SOX30: variants seen among roughly 807,000 people sequenced by gnomAD.
SOX30 encodes transcription factor SOX-30.
A neutral mutation model predicts 58.6 loss-of-function variants in SOX30; 17 were observed. That is an observed-to-expected ratio of 0.29 (90% confidence interval 0.20 to 0.44). SOX30 has a LOEUF of 0.44. Among genes scored for constraint, SOX30 ranks in the 20% least tolerant of loss-of-function variants. The probability of loss-of-function intolerance (pLI) is 1.00; values close to 1 mark genes in which losing one functional copy is unlikely to be tolerated. For missense variants in SOX30, 951 were observed against 965.8 expected (o/e 0.98, Z 0.20); for synonymous variants, 421 against 400.2 (o/e 1.05, Z -0.62).
In SOX30 at chr5:157,652,433, G is replaced by GA; in HGVS notation, c.-356dup. 3.0e-6 allele frequency: 3 copies of GA among 1,015,934 alleles called. No homozygotes were observed. The highest frequency in any genetic ancestry group is 2.4e-6 in the Non-Finnish European group (2 of 847,138). 62.9% of individuals were successfully genotyped at this position (1,015,934 alleles called of 1,614,324 possible). A position where few individuals can be genotyped will look rare whatever the true frequency, so the allele number is the denominator to read the frequency against. Reference sequence around the variant, plus strand: ...TCATCCCTCCCCCACCCGGAGCTGCGACAATGGCGTTGCCCAGGAAACGTT... The same window carrying GA: ...TCATCCCTCCCCCACCCGGAGCTGCGAACAATGGCGTTGCCCAGGAAACGTT... On this transcript the variant is annotated 5_prime_UTR_variant, in exon 1 of 5. Coordinates refer to ENST00000265007, the MANE Select transcript of SOX30 (RefSeq NM_178424.2).
chr5:157,635,581 G>A lies in SOX30; in HGVS notation c.1880+2649C>T, dbSNP rs1003911516. Among the ~76,000 whole-genome samples the A allele has an allele frequency of 3.3e-5, 5 of 151,642 alleles. No homozygotes were observed. In the South Asian group the frequency reaches 6.2e-4, roughly 19 times the overall value. On this transcript the variant is annotated intron_variant, in intron 4 of 4. Transcript: ENST00000265007. Reference sequence around the variant, plus strand: ...AGAGGTTGCAGTGAGCCAAGATTGCGCCACTGCACTCCAGCCTGGGTGACA... The same window carrying A: ...AGAGGTTGCAGTGAGCCAAGATTGCACCACTGCACTCCAGCCTGGGTGACA...
intron 4 of SOX30, among the ~76,000 whole-genome samples, chr5:157,636,309 G>C (rs1359359592): frequency 6.6e-6 from 1 of 151,976 alleles, no homozygotes; most frequent in Non-Finnish European, 1.5e-5. Context: ...TTCTAACTAA[G>C]GCCAAGTGTT....
chr5:157,644,449 GGA>G (rs1223002683), intron 3 of SOX30, among the ~76,000 whole-genome samples: 3 of 152,146 alleles, frequency 2.0e-5, no homozygotes, highest in African/African-American at 7.2e-5. Context: ...ACAACATCAT[GGA>G]GAAAGAACCC....
At chr5:157,668,441 G>A (rs899195258) in intron 1 of SOX30, among the ~76,000 whole-genome samples, 2 of 152,078 alleles carry the variant, frequency 1.3e-5, no homozygotes, top group Non-Finnish European at 2.9e-5. Context: ...TGAAGTTGCT[G>A]CTAAGAGTGA....
In SOX30 at chr5:157,652,189, A is replaced by C. The variant is rs1759374196; in HGVS notation, c.-111T>G. ...CAAGGCCTTTGCTACCCAGAACCCT[A>C]CGCGGTTCAAAACGCAGCTGTCTGT... On this transcript the variant is annotated 5_prime_UTR_variant, in exon 1 of 5. Transcript: ENST00000265007. 1 of 1,333,838 alleles carries C rather than the reference A, an allele frequency of 7.5e-7. No homozygotes were observed. The highest frequency in any genetic ancestry group is 9.5e-7 in the Non-Finnish European group (1 of 1,050,116). 82.6% of individuals were successfully genotyped at this position (1,333,838 alleles called of 1,614,324 possible).
chr5:157,626,158 C>A lies in SOX30; in HGVS notation c.*182G>T. Reference sequence around the variant, plus strand: ...TAACTTAAATATTCCTACAATGAAACATCCAGACTCTAGTTTCACTAATCA... The same window carrying A: ...TAACTTAAATATTCCTACAATGAAAAATCCAGACTCTAGTTTCACTAATCA... On this transcript the variant is annotated 3_prime_UTR_variant, in exon 5 of 5. Coordinates refer to ENST00000265007, the MANE Select transcript of SOX30 (RefSeq NM_178424.2). 3.9e-6 allele frequency: 2 copies of A among 519,396 alleles called. No homozygotes were observed. The highest frequency in any genetic ancestry group is 3.3e-6 in the Non-Finnish European group (1 of 302,454). The allele number at this position is 519,396 out of a possible 1,614,324, so 32.2% of individuals were successfully genotyped here.
At chr5:157,669,092 C>G (rs1047390566) in intron 1 of SOX30, among the ~76,000 whole-genome samples, 1 of 152,170 alleles carries the variant, frequency 6.6e-6, no homozygotes, top group Non-Finnish European at 1.5e-5. Context: ...TAGGGCAGAT[C>G]CCACAGAGAC....
chr5:157,636,811 C>A (rs780036393), intron 4 of SOX30, among the ~76,000 whole-genome samples: 1 of 152,090 alleles, frequency 6.6e-6, no homozygotes, highest in East Asian at 1.9e-4. Flanking sequence ...CCATCTTTGT[C>A]TACACATTTA....
chr5:157,640,243 C>T (rs778073404), intron 3 of SOX30, among the ~76,000 whole-genome samples: 3 of 152,108 alleles, frequency 2.0e-5, no homozygotes, highest in African/African-American at 7.2e-5. Flanking sequence ...AATTTCTATT[C>T]GTATCCCAGT....
intron 4 of SOX30, among the ~76,000 whole-genome samples, chr5:157,628,428 C>T (rs2113830565): frequency 6.6e-6 from 1 of 150,590 alleles, no homozygotes; most frequent in African/African-American, 2.4e-5. Flanking sequence ...TGTTACCTTA[C>T]TTTTAAAAAC....
At chr5:157,655,106 C>A (rs554423086), upstream of SOX30, among the ~76,000 whole-genome samples, 1 of 152,232 alleles carries the variant, frequency 6.6e-6, no homozygotes, top group Admixed American at 6.5e-5. Flanking sequence ...TCTGGTGACC[C>A]AGGTGGGATT....
intron 1 of SOX30, among the ~76,000 whole-genome samples, 189 bp downstream of exon 1, chr5:157,650,923 T>C (rs186515013): frequency 1.8e-4 from 28 of 152,356 alleles, no homozygotes; most frequent in Non-Finnish European, 3.7e-4. Flanking sequence ...TTGAGAATCT[T>C]GAAGGCATTC....
intron 2 of SOX30, among the ~76,000 whole-genome samples, chr5:157,647,467 AT>A (rs899617757): frequency 1.4e-5 from 2 of 146,174 alleles, no homozygotes; most frequent in African/African-American, 5.3e-5. Context: ...TTATCAAATA[AT>A]GCCTCACTAT....
intron 3 of SOX30, among the ~76,000 whole-genome samples, chr5:157,640,976 C>G (rs1471441236): frequency 6.6e-6 from 1 of 152,158 alleles, no homozygotes; most frequent in East Asian, 1.9e-4. Flanking sequence ...TCTTAATACC[C>G]AATCTTTCCA....
At chr5:157,662,743 C>T (rs933581503) in intron 2 of SOX30, among the ~76,000 whole-genome samples, 2 of 152,192 alleles carry the variant, frequency 1.3e-5, no homozygotes, top group African/African-American at 4.8e-5. Flanking sequence ...TTAACCAACA[C>T]AAACCTTATA....
At chr5:157,627,808 C>A (rs935643984) in intron 4 of SOX30, among the ~76,000 whole-genome samples, 2 of 152,074 alleles carry the variant, frequency 1.3e-5, no homozygotes, top group Non-Finnish European at 2.9e-5. Flanking sequence ...TCCTGGCTAA[C>A]ACGGTGAAAC....
intron 2 of SOX30, among the ~76,000 whole-genome samples, chr5:157,661,810 G>A (rs1027397181): frequency 5.3e-5 from 8 of 152,122 alleles, no homozygotes; most frequent in African/African-American, 1.9e-4. Flanking sequence ...CATTCATGAC[G>A]AGTGTTGTTC....
chr5:157,625,830 T>C lies in SOX30; in HGVS notation c.*510A>G, dbSNP rs1000833336. On this transcript the variant is annotated 3_prime_UTR_variant, in exon 5 of 5. Coordinates refer to ENST00000265007, the MANE Select transcript of SOX30 (RefSeq NM_178424.2). ...GGTGCCATTAAAACACATTTGGAACTTATAATTGGTTATTAGTGTAAGTTA... is the reference window on the plus strand; with the variant it reads ...GGTGCCATTAAAACACATTTGGAACCTATAATTGGTTATTAGTGTAAGTTA... 2 of 152,692 alleles carry C rather than the reference T, an allele frequency of 1.3e-5. No homozygotes were observed. The highest frequency in any genetic ancestry group is 4.8e-5 in the African/African-American group (2 of 41,468). The allele number at this position is 152,692 out of a possible 1,614,324, so 9.5% of individuals were successfully genotyped here.
intron 2 of SOX30, among the ~76,000 whole-genome samples, chr5:157,665,356 C>A (rs947578953): frequency 5.9e-5 from 9 of 152,106 alleles, no homozygotes; most frequent in Admixed American, 5.9e-4. Flanking sequence ...GGACAAAAAA[C>A]CAAACATCGC....
Sources: gnomAD v4.1 joint callset for allele counts (sites outside exome capture counted in the v4.1 genomes callset) on GRCh38, gnomAD v4.1.1 for gene constraint, MANE v1.5 for transcripts, NCBI Gene and HGNC (gene_info 2026-07-23, HGNC 2026-07-21) for gene names.